PPP4R2: variants seen among roughly 807,000 people sequenced by gnomAD.
PPP4R2 encodes protein phosphatase 4 regulatory subunit 2.
A neutral mutation model predicts 47.2 loss-of-function variants in PPP4R2; 13 were observed. The observed-to-expected ratio is 0.28, with a 90% CI of 0.18 to 0.44. The LOEUF (loss-of-function observed/expected upper bound fraction) is 0.44, where lower values mean the gene tolerates loss of function less well. PPP4R2 is among the 20% of genes least tolerant of loss of function. The probability of loss-of-function intolerance (pLI) is 1.00; values close to 1 mark genes in which losing one functional copy is unlikely to be tolerated. For missense variants in PPP4R2, 421 were observed against 491.2 expected (o/e 0.86, Z 1.35); for synonymous variants, 151 against 163.3 (o/e 0.92, Z 0.57).
chr3:73,041,738 A>G (rs1019488210), intron 2 of PPP4R2, among the ~76,000 whole-genome samples: 13 of 148,434 alleles, frequency 8.8e-5, no homozygotes, highest in Non-Finnish European at 2.0e-4. Flanking sequence ...GAGTAATCTT[A>G]GTAGAACTGG....
At chr3:73,002,716 G>A (rs942514789) in intron 2 of PPP4R2, among the ~76,000 whole-genome samples, 98 of 140,464 alleles carry the variant, frequency 7.0e-4, no homozygotes, top group Non-Finnish European at 1.2e-3. Flanking sequence ...ATCTCGGCTC[G>A]CTACAACCTC....
intron 3 of PPP4R2, among the ~76,000 whole-genome samples, chr3:73,055,189 A>G (rs965216071): frequency 2.0e-5 from 3 of 152,292 alleles, no homozygotes; most frequent in Admixed American, 6.5e-5. Context: ...CACAATCTCT[A>G]TCAAAGAGTA....
At position 73,021,979 on chromosome 3, in the gene PPP4R2, C is replaced by T. The variant is rs371828299; in HGVS notation, c.116+23821C>T. 2.8e-4 allele frequency among the ~76,000 whole-genome samples: 42 copies of T among 151,156 alleles called. 1 individual carries two copies. The East Asian group carries it at 7.4e-3, about 27-fold the overall frequency. Reference sequence around the variant, plus strand: ...TGGCACAGTCTTGGCTCACTGTAGCCTCCGCTTCCCAGGTTCAAGTGATTC... The same window carrying T: ...TGGCACAGTCTTGGCTCACTGTAGCTTCCGCTTCCCAGGTTCAAGTGATTC... On this transcript the variant is annotated intron_variant, in intron 2 of 8. Transcript: ENST00000356692.
intron 1 of PPP4R2, 120 bp downstream of exon 1, chr3:72,997,191 G>A (rs893798612): frequency 4.1e-6 from 3 of 727,770 alleles, no homozygotes; most frequent in Non-Finnish European, 5.9e-6. Context: ...GTGCTTCCCG[G>A]GCTCCCATCC....
At chr3:73,008,747 A>C (rs10470589) in intron 2 of PPP4R2, among the ~76,000 whole-genome samples, 79,535 of 151,982 alleles carry the variant, frequency 0.52, 21,130 homozygotes, top group African/African-American at 0.6. Context: ...GGGGACAGTA[A>C]AAATTATCTG....
At position 73,050,089 on chromosome 3, in the gene PPP4R2, A is replaced by G. The variant is rs1702580192; in HGVS notation, c.287+2733A>G. 6.6e-5 allele frequency among the ~76,000 whole-genome samples: 10 copies of G among 152,076 alleles called. No homozygotes were observed. The South Asian group carries it at 2.1e-3, about 32-fold the overall frequency. ...TCGAGTAGCTGGCATTACAGGGTGC[A>G]TCACCACACCCAGCTATGTTTTTTT... On this transcript the variant is annotated intron_variant, in intron 3 of 8. Transcript: ENST00000356692.
chr3:73,062,103 T>C lies in PPP4R2; in HGVS notation c.419+1043T>C, dbSNP rs144367973. ...AATAATGGGTTATTTTCTTAAATTG[T>C]ATGCTTATGTTAATTCTCACAGTCT... On this transcript the variant is annotated intron_variant, in intron 5 of 8. Coordinates refer to ENST00000356692, the MANE Select transcript of PPP4R2 (RefSeq NM_174907.4). 5.8e-6 allele frequency: 9 copies of C among 1,543,082 alleles called. No individual in the cohort carries two copies. In the Admixed American group the frequency reaches 1.9e-4, roughly 32 times the overall value.
In PPP4R2 at chr3:72,998,143, A is replaced by G; in HGVS notation, c.101A>G (p.Lys34Arg). ...VLDQFLCHVA[K>R]TGETMIQWSQ... ...GATCAGTTTCTTTGTCATGTAGCCA[A>G]GACTGGAGAAACAATGTGAGTTGAA... Residue 34 changes from lysine (K) to arginine (R), a missense_variant, in exon 2 of 9, where the codon AAG (lysine) becomes AGG (arginine). This residue lies in a region of PPP4R2 where 104 missense variants were observed against 203.7 expected (regional missense o/e 0.51). Coordinates refer to ENST00000356692, the MANE Select transcript of PPP4R2 (RefSeq NM_174907.4). The G allele has an allele frequency of 6.2e-7, 1 of 1,604,766 alleles. No individual in the cohort carries two copies. Among genetic ancestry groups the G allele is most frequent in the Non-Finnish European group, 8.5e-7 (1 of 1,175,828 alleles).
chr3:73,041,994 G>T (rs1241751872), intron 2 of PPP4R2, among the ~76,000 whole-genome samples: 4 of 152,130 alleles, frequency 2.6e-5, no homozygotes, highest in African/African-American at 9.7e-5. Flanking sequence ...TTTCCTACAG[G>T]AGAAACTGCA....
chr3:73,003,608 G>C (rs959279489), intron 2 of PPP4R2, among the ~76,000 whole-genome samples: 5 of 152,058 alleles, frequency 3.3e-5, no homozygotes, highest in African/African-American at 7.2e-5. Context: ...TATTCTCTCT[G>C]TCTCTCGTCA....
chr3:73,017,176 C>T lies in PPP4R2; in HGVS notation c.116+19018C>T, dbSNP rs545994489. On this transcript the variant is annotated intron_variant, in intron 2 of 8. Transcript: ENST00000356692. The stretch of plus-strand genomic sequence containing the variant: ...CACAAGCTATTTACCACCTCAGCCT[C>T]ACAAAGTGCTGGGATTACAGACATC... Among the ~76,000 whole-genome samples the T allele has an allele frequency of 9.9e-5, 15 of 152,258 alleles. No individual in the cohort carries two copies. In the East Asian group the frequency reaches 2.9e-3, roughly 29 times the overall value.
At chr3:73,060,923 G>T (rs1702844980) in intron 4 of PPP4R2, 100 bp from the exon 5 acceptor site, 2 of 714,656 alleles carry the variant, frequency 2.8e-6, no homozygotes, top group Admixed American at 3.5e-5. Context: ...TAGAATCAAT[G>T]GGAATTTAAC....
chr3:73,041,017 A>T (rs369739366), intron 2 of PPP4R2, among the ~76,000 whole-genome samples: 3 of 151,710 alleles, frequency 2.0e-5, no homozygotes, highest in Non-Finnish European at 4.4e-5. Context: ...TTATGGATAC[A>T]TACTTCTATG....
chr3:72,998,175 C>T lies in PPP4R2; in HGVS notation c.116+17C>T, dbSNP rs1437025506. ...AGAAACAATGTGAGTTGAAAACATGCATTTGTCGTTATAGACCAGTGCATT... is the reference window on the plus strand; with the variant it reads ...AGAAACAATGTGAGTTGAAAACATGTATTTGTCGTTATAGACCAGTGCATT... On this transcript the variant is annotated intron_variant, in intron 2 of 8. Coordinates refer to ENST00000356692, the MANE Select transcript of PPP4R2 (RefSeq NM_174907.4). The T allele has an allele frequency of 6.4e-7, 1 of 1,558,576 alleles. No homozygotes were observed. The highest frequency in any genetic ancestry group is 8.8e-7 in the Non-Finnish European group (1 of 1,138,850).
At chr3:73,060,758 C>T (rs1455235882) in intron 4 of PPP4R2, among the ~76,000 whole-genome samples, 3 of 151,590 alleles carry the variant, frequency 2.0e-5, no homozygotes, top group Admixed American at 2.0e-4. Flanking sequence ...TATGATGTTA[C>T]GGGTCTAGAA....
chr3:73,060,096 C>T (rs192372792), intron 4 of PPP4R2, among the ~76,000 whole-genome samples: 9 of 152,154 alleles, frequency 5.9e-5, no homozygotes, highest in Non-Finnish European at 1.0e-4. Context: ...ATGGTTGGTC[C>T]GGAAACACTC....
At chr3:73,030,812 C>T (rs1702152936) in intron 2 of PPP4R2, among the ~76,000 whole-genome samples, 1 of 151,932 alleles carries the variant, frequency 6.6e-6, no homozygotes, top group South Asian at 2.1e-4. Flanking sequence ...AGCAATTATC[C>T]TGCCTCAGCC....
chr3:73,062,278 A>G, intron 5 of PPP4R2: 2 of 1,607,410 alleles, frequency 1.2e-6, no homozygotes, highest in Non-Finnish European at 1.7e-6. Context: ...GACGCAATGG[A>G]CAGGAGTGGG....
At position 73,026,140 on chromosome 3, in the gene PPP4R2, A is replaced by G. The variant is rs569556612; in HGVS notation, c.117-21046A>G. ...TGCACCTTCTCCCTTGCTCAAGTTAAAGTTCTTATGAGATTTAAGGCATAA... is the reference window on the plus strand; with the variant it reads ...TGCACCTTCTCCCTTGCTCAAGTTAGAGTTCTTATGAGATTTAAGGCATAA... On this transcript the variant is annotated intron_variant, in intron 2 of 8. Transcript: ENST00000356692. 9.9e-5 allele frequency among the ~76,000 whole-genome samples: 15 copies of G among 152,280 alleles called. No homozygotes were observed. In the South Asian group the frequency reaches 3.1e-3, roughly 32 times the overall value.
Sources: allele counts gnomAD v4.1 joint callset (sites outside exome capture counted in the v4.1 genomes callset), GRCh38; gene constraint gnomAD v4.1.1; regional missense constraint gnomAD v4.1.1; transcripts MANE v1.5; gene names NCBI Gene and HGNC (gene_info 2026-07-23, HGNC 2026-07-21).